The following CNTNAP2 variants were observed in gnomAD, a reference collection of about 807,000 sequenced individuals.
CNTNAP2 encodes the protein contactin-associated protein-like 2.
Under a neutral mutation model 155.2 loss-of-function variants are expected in CNTNAP2, and 98 were observed. The observed-to-expected ratio is 0.63, with a 90% CI of 0.54 to 0.75. CNTNAP2 has a LOEUF of 0.75. CNTNAP2 is among the 30% of genes least tolerant of loss of function. The pLI is 0.00. For synonymous variants in CNTNAP2, 651 were observed against 631.2 expected, an observed-to-expected ratio of 1.03 and a Z score of -0.47; for missense variants, 1,727 against 1,688.1, an observed-to-expected ratio of 1.02 and a Z score of -0.40.
intron 4 of CNTNAP2, among the ~76,000 whole-genome samples, chr7:147,090,351 G>GTGTT: frequency 6.7e-6 from 1 of 148,588 alleles, no homozygotes; most frequent in South Asian, 2.2e-4. Context: ...GTGTGTGTGT[G>GTGTT]TTACAATTCT....
chr7:146,954,305 T>C (rs1323502920), intron 3 of CNTNAP2, among the ~76,000 whole-genome samples: 20 of 151,916 alleles, frequency 1.3e-4, no homozygotes, highest in Admixed American at 1.3e-3. Flanking sequence ...CATTCTGAAA[T>C]GTATGCTTTG....
At chr7:147,055,695 G>T (rs1037735464) in intron 4 of CNTNAP2, among the ~76,000 whole-genome samples, 2 of 152,168 alleles carry the variant, frequency 1.3e-5, no homozygotes, top group African/African-American at 4.8e-5. Flanking sequence ...AGGATTTGTT[G>T]TATCAAGAGA....
At chr7:148,042,645 TCA>T (rs1802700278) in intron 15 of CNTNAP2, among the ~76,000 whole-genome samples, 2 of 152,206 alleles carry the variant, frequency 1.3e-5, no homozygotes, top group African/African-American at 4.8e-5. Context: ...TTGCTGCTTT[TCA>T]CAGACACTAG....
At chr7:148,062,768 G>A (rs1386618149) in intron 15 of CNTNAP2, among the ~76,000 whole-genome samples, 1 of 152,074 alleles carries the variant, frequency 6.6e-6, no homozygotes, top group African/African-American at 2.4e-5. Flanking sequence ...GAAACTCATA[G>A]CTAAATTCAA....
chr7:146,416,904 T>C (rs1795945733), intron 1 of CNTNAP2, among the ~76,000 whole-genome samples: 1 of 152,092 alleles, frequency 6.6e-6, no homozygotes, highest in South Asian at 2.1e-4. Context: ...TACAATACAA[T>C]AATGTGCAAC....
At chr7:147,697,596 A>G (rs140647772) in intron 13 of CNTNAP2, among the ~76,000 whole-genome samples, 49 of 152,172 alleles carry the variant, frequency 3.2e-4, no homozygotes, top group Non-Finnish European at 6.6e-4. Context: ...GCATTCTATG[A>G]TTAGGTCTCA....
chr7:147,019,323 CAA>C (rs986333472), intron 3 of CNTNAP2, among the ~76,000 whole-genome samples: 2 of 151,948 alleles, frequency 1.3e-5, no homozygotes, highest in African/African-American at 4.8e-5. Flanking sequence ...CTTTAACACT[CAA>C]TAAATGCATG....
intron 10 of CNTNAP2, among the ~76,000 whole-genome samples, chr7:147,451,087 C>T (rs575053994): frequency 6.6e-6 from 1 of 152,278 alleles, no homozygotes; most frequent in African/African-American, 2.4e-5. Flanking sequence ...TATCTACCAA[C>T]GTGCTGAGGG....
chr7:148,163,299 T>C (rs980930888), intron 17 of CNTNAP2, among the ~76,000 whole-genome samples: 1 of 152,190 alleles, frequency 6.6e-6, no homozygotes, highest in African/African-American at 2.4e-5. Flanking sequence ...AAAATGGAGA[T>C]AATAATATCT....
chr7:146,358,600 G>A (rs539085510), intron 1 of CNTNAP2, among the ~76,000 whole-genome samples: 152 of 152,106 alleles, frequency 1.0e-3, no homozygotes, highest in Non-Finnish European at 1.9e-3. Context: ...AGGAAAGATC[G>A]TATTAATATG....
intron 1 of CNTNAP2, among the ~76,000 whole-genome samples, chr7:146,603,418 A>G (rs976049902): frequency 6.6e-6 from 1 of 150,846 alleles, no homozygotes; most frequent in Non-Finnish European, 1.5e-5. Context: ...TCTCAAAAAA[A>G]AAAAAGATAC....
At chr7:146,760,320 G>A (rs1320408312) in intron 1 of CNTNAP2, among the ~76,000 whole-genome samples, 2 of 146,294 alleles carry the variant, frequency 1.4e-5, no homozygotes, top group Non-Finnish European at 3.0e-5. Flanking sequence ...AACAAATTCA[G>A]TCACCTTCTA....
At chr7:147,622,237 G>C (rs1028382455) in intron 12 of CNTNAP2, among the ~76,000 whole-genome samples, 1 of 151,912 alleles carries the variant, frequency 6.6e-6, no homozygotes, top group Non-Finnish European at 1.5e-5. Flanking sequence ...TTCTGGACAG[G>C]TAATAAACAA....
At chr7:147,193,858 A>G (rs572796711) in intron 8 of CNTNAP2, among the ~76,000 whole-genome samples, 52 of 152,328 alleles carry the variant, frequency 3.4e-4, no homozygotes, top group African/African-American at 1.3e-3. Flanking sequence ...GATACTTTTA[A>G]GACAAAATGA....
intron 18 of CNTNAP2, among the ~76,000 whole-genome samples, chr7:148,177,179 C>T (rs1167873631): frequency 1.3e-5 from 2 of 152,142 alleles, no homozygotes; most frequent in East Asian, 3.9e-4. Context: ...AATTCATGTC[C>T]ACCTAGGACT....
At chr7:148,356,449 C>T (rs80292911) in intron 21 of CNTNAP2, among the ~76,000 whole-genome samples, 5,521 of 152,230 alleles carry the variant, frequency 0.036, 103 homozygotes, top group African/African-American at 0.048. Flanking sequence ...GTCGTCAAAA[C>T]GAATAATAGA....
chr7:147,114,136 C>A (rs774487464), intron 5 of CNTNAP2, among the ~76,000 whole-genome samples: 1 of 152,152 alleles, frequency 6.6e-6, no homozygotes, highest in Admixed American at 6.5e-5. Context: ...GAGAGAATTT[C>A]TTAATCATAA....
chr7:146,144,891 A>C (rs2116763735), intron 1 of CNTNAP2, among the ~76,000 whole-genome samples: 1 of 152,318 alleles, frequency 6.6e-6, no homozygotes, highest in South Asian at 2.1e-4. Context: ...AGAATGAAAC[A>C]GTGAATGGAA....
intron 8 of CNTNAP2, among the ~76,000 whole-genome samples, chr7:147,140,166 T>C (rs1477645470): frequency 1.3e-5 from 2 of 152,056 alleles, no homozygotes; most frequent in Non-Finnish European, 1.5e-5. Context: ...CTCTGATGTT[T>C]TCTGAAAGAT....
Sources: allele counts gnomAD v4.1 joint callset (sites outside exome capture counted in the v4.1 genomes callset), GRCh38; gene constraint gnomAD v4.1.1; transcripts MANE v1.5; gene names NCBI Gene and HGNC (gene_info 2026-07-23, HGNC 2026-07-21).